GRM5: variants seen among roughly 807,000 people sequenced by gnomAD.
The protein encoded by GRM5 is glutamate metabotropic receptor 5.
GRM5 carries 19 observed loss-of-function variants against 83.1 expected under a neutral mutation model. The ratio of observed to expected loss-of-function variants is 0.23; its 90% CI spans 0.16 to 0.34. GRM5 has a LOEUF of 0.34. Among genes scored for constraint, GRM5 ranks in the 10% least tolerant of loss-of-function variants. GRM5 has a pLI of 1.00. For synonymous variants in GRM5, 675 were observed against 633.6 expected, an observed-to-expected ratio of 1.07 and a Z score of -0.98; for missense variants, 1,160 against 1,588.3, an observed-to-expected ratio of 0.73 and a Z score of 4.58.
At chr11:88,907,317 C>T (rs1204372543) in intron 2 of GRM5, among the ~76,000 whole-genome samples, 1 of 152,116 alleles carries the variant, frequency 6.6e-6, no homozygotes, top group Non-Finnish European at 1.5e-5. Context: ...CTCTAGTGTC[C>T]CACAGAGGGA....
chr11:88,578,687 G>A (rs1172977294), intron 7 of GRM5, among the ~76,000 whole-genome samples: 1 of 152,066 alleles, frequency 6.6e-6, no homozygotes, highest in Non-Finnish European at 1.5e-5. Flanking sequence ...GACTCATCTT[G>A]TAGGAAGAAA....
chr11:88,590,760 T>G (rs199666572), intron 6 of GRM5, 33 bp from the exon 7 acceptor site: 28 of 1,589,254 alleles, frequency 1.8e-5, no homozygotes, highest in Non-Finnish European at 2.3e-5. Flanking sequence ...AGATTTTTTT[T>G]TGCATAGATA....
intron 8 of GRM5, among the ~76,000 whole-genome samples, chr11:88,535,542 A>T (rs1175917301): frequency 6.6e-6 from 1 of 152,216 alleles, no homozygotes; most frequent in Non-Finnish European, 1.5e-5. Context: ...TGAGCTACTG[A>T]ATTAGCCTTT....
At chr11:88,610,627 A>G (rs1457603463) in intron 4 of GRM5, among the ~76,000 whole-genome samples, 1 of 152,118 alleles carries the variant, frequency 6.6e-6, no homozygotes, top group Non-Finnish European at 1.5e-5. Context: ...GGTGCAATCT[A>G]TGGGGTTTTC....
At chr11:88,983,379 G>A (rs182825027) in intron 2 of GRM5, among the ~76,000 whole-genome samples, 3 of 152,094 alleles carry the variant, frequency 2.0e-5, no homozygotes, top group Non-Finnish European at 4.4e-5. Context: ...ACCACCTATT[G>A]CCAGAATGTT....
intron 9 of GRM5, among the ~76,000 whole-genome samples, chr11:88,515,359 C>T (rs563769330): frequency 2.8e-4 from 42 of 152,234 alleles, no homozygotes; most frequent in African/African-American, 9.9e-4. Context: ...TACAAAATTA[C>T]AGCTAGGTAC....
chr11:88,692,430 T>A (rs2135361561), intron 3 of GRM5, among the ~76,000 whole-genome samples: 1 of 152,274 alleles, frequency 6.6e-6, no homozygotes, highest in Admixed American at 6.5e-5. Context: ...AGCTACAGAA[T>A]AGCTTCAAAT....
At chr11:89,023,838 A>C (rs951104526) in intron 2 of GRM5, among the ~76,000 whole-genome samples, 4 of 149,038 alleles carry the variant, frequency 2.7e-5, no homozygotes, top group African/African-American at 1.0e-4. Context: ...CAACAGAGTG[A>C]GACTTCATCT....
chr11:89,065,195 C>G (rs1942075130), intron 1 of GRM5, among the ~76,000 whole-genome samples: 2 of 151,410 alleles, frequency 1.3e-5, no homozygotes, highest in Non-Finnish European at 2.9e-5. Flanking sequence ...CCAGCAACTG[C>G]CATTAGCTCC....
rs545065935 is a variant in GRM5 at position 89,034,664 on chromosome 11, C to T, written c.661+12548G>A. ...AAATAATTTATTTGTGGTAGTATCA[C>T]ATGGACCTCAAGCTCTATTTGGTGT... is the stretch of plus-strand genomic sequence containing the variant. On this transcript the variant is annotated intron_variant, in intron 2 of 9. Transcript: ENST00000305447. Among the ~76,000 whole-genome samples, 4 of 151,898 alleles carry T rather than the reference C, an allele frequency of 2.6e-5. No individual in the cohort carries two copies. The East Asian group carries it at 5.8e-4, about 22-fold the overall frequency.
chr11:88,620,122 A>G (rs1280290552), intron 4 of GRM5, among the ~76,000 whole-genome samples: 6 of 152,200 alleles, frequency 3.9e-5, no homozygotes, highest in Non-Finnish European at 8.8e-5. Flanking sequence ...ATGTGTTTAT[A>G]TCTCTATTAC....
At chr11:89,017,375 AAAAC>A (rs1940884165) in intron 2 of GRM5, among the ~76,000 whole-genome samples, 1 of 152,208 alleles carries the variant, frequency 6.6e-6, no homozygotes, top group African/African-American at 2.4e-5. Flanking sequence ...ACAAAATTAA[AAAAC>A]AAACAAGGCA....
intron 3 of GRM5, among the ~76,000 whole-genome samples, chr11:88,664,323 A>T (rs892811639): frequency 1.9e-4 from 7 of 36,384 alleles, no homozygotes; most frequent in Non-Finnish European, 5.4e-4. Flanking sequence ...ACCCAGATTT[A>T]AAAAAAACTG....
At chr11:88,964,047 A>G (rs1938868407) in intron 2 of GRM5, among the ~76,000 whole-genome samples, 1 of 152,060 alleles carries the variant, frequency 6.6e-6, no homozygotes, top group African/African-American at 2.4e-5. Flanking sequence ...GCAGGGACAC[A>G]CTCTTTATGT....
chr11:88,843,340 T>A (rs1267488786), intron 3 of GRM5, among the ~76,000 whole-genome samples: 1 of 152,186 alleles, frequency 6.6e-6, no homozygotes, highest in African/African-American at 2.4e-5. Context: ...TTTCCATAAA[T>A]GTATACAATA....
At chr11:88,542,408 G>A (rs1048561997) in intron 8 of GRM5, among the ~76,000 whole-genome samples, 1 of 152,106 alleles carries the variant, frequency 6.6e-6, no homozygotes, top group African/African-American at 2.4e-5. Context: ...GAATAAAGAA[G>A]AGAAAGAGGA....
intron 2 of GRM5, among the ~76,000 whole-genome samples, chr11:88,968,146 C>A (rs552372808): frequency 1.3e-5 from 2 of 152,204 alleles, no homozygotes; most frequent in Admixed American, 6.6e-5. Flanking sequence ...ATATTAAAAT[C>A]ATTGTTAATT....
intron 3 of GRM5, among the ~76,000 whole-genome samples, chr11:88,811,501 A>G (rs2135497849): frequency 6.6e-6 from 1 of 152,218 alleles, no homozygotes; most frequent in African/African-American, 2.4e-5. Context: ...GAAAGAAGAA[A>G]ATATTCCAGC....
chr11:88,798,820 A>AAAAC (rs1555017415), intron 3 of GRM5, among the ~76,000 whole-genome samples: 2,009 of 136,264 alleles, frequency 0.015, 39 homozygotes, highest in East Asian at 0.056. Flanking sequence ...AAAAAAAAAA[A>AAAAC]AAAAAAACAA....
Sources: gnomAD v4.1 joint callset for allele counts (sites outside exome capture counted in the v4.1 genomes callset) on GRCh38, gnomAD v4.1.1 for gene constraint, MANE v1.5 for transcripts, NCBI Gene and HGNC (gene_info 2026-07-23, HGNC 2026-07-21) for gene names.